The following PTPRD variants were observed in gnomAD, a reference collection of about 807,000 sequenced individuals.
PTPRD encodes protein tyrosine phosphatase receptor type D, also known as receptor-type tyrosine-protein phosphatase delta.
In PTPRD, 34 loss-of-function variants were observed where a neutral mutation model predicts 214.5. That is an observed-to-expected ratio of 0.16 (90% confidence interval 0.12 to 0.21). The LOEUF (loss-of-function observed/expected upper bound fraction) is 0.21. Among genes scored for constraint, PTPRD ranks in the 10% least tolerant of loss-of-function variants. PTPRD has a pLI of 1.00. For synonymous variants in PTPRD, 1,128 were observed against 845.7 expected (o/e 1.33, Z -5.79); for missense variants, 2,545 against 2,398.7 (o/e 1.06, Z -1.27).
At chr9:9,775,755 A>G (rs1004508022) in intron 5 of PTPRD, among the ~76,000 whole-genome samples, 1 of 152,144 alleles carries the variant, frequency 6.6e-6, no homozygotes, top group African/African-American at 2.4e-5. Flanking sequence ...CATCCTGGCT[A>G]ACACGGTGAA....
intron 32 of PTPRD, among the ~76,000 whole-genome samples, chr9:8,463,383 A>G (rs1292674821): frequency 6.6e-6 from 1 of 150,708 alleles, no homozygotes; most frequent in Non-Finnish European, 1.5e-5. Context: ...AAAGAACTAT[A>G]TATCTAAGAA....
chr9:10,370,256 G>A (rs1323488), intron 2 of PTPRD, among the ~76,000 whole-genome samples: 1 of 151,844 alleles, frequency 6.6e-6, no homozygotes, highest in East Asian at 1.9e-4. Context: ...TAAAAATGTA[G>A]TGAATGTAAT....
At chr9:10,575,192 C>G (rs985455584) in intron 2 of PTPRD, among the ~76,000 whole-genome samples, 1 of 151,864 alleles carries the variant, frequency 6.6e-6, no homozygotes, top group Non-Finnish European at 1.5e-5. Flanking sequence ...TAGGTAGGTC[C>G]TTTCAAAGAT....
chr9:9,005,848 G>C (rs1481567060), intron 11 of PTPRD, among the ~76,000 whole-genome samples: 1 of 151,846 alleles, frequency 6.6e-6, no homozygotes, highest in African/African-American at 2.4e-5. Context: ...TCAGTGGCTG[G>C]GCTACTATTC....
At chr9:8,794,077 C>G (rs189371499) in intron 11 of PTPRD, among the ~76,000 whole-genome samples, 1 of 152,304 alleles carries the variant, frequency 6.6e-6, no homozygotes, top group African/African-American at 2.4e-5. Context: ...GTGCAGCAGC[C>G]TGAATCAAAG....
chr9:9,710,010 C>T (rs1001676287), intron 7 of PTPRD, among the ~76,000 whole-genome samples: 8 of 151,740 alleles, frequency 5.3e-5, no homozygotes, highest in African/African-American at 1.9e-4. Flanking sequence ...ATGCTGATTA[C>T]ATCCAATGAG....
intron 30 of PTPRD, among the ~76,000 whole-genome samples, chr9:8,474,529 G>A (rs1202730419): frequency 1.3e-5 from 2 of 152,090 alleles, no homozygotes; most frequent in East Asian, 3.9e-4. Context: ...TAAAGCACAG[G>A]GCAGAATAAT....
chr9:9,805,048 A>T (rs1196716549), intron 5 of PTPRD, among the ~76,000 whole-genome samples: 1 of 152,036 alleles, frequency 6.6e-6, no homozygotes, highest in Non-Finnish European at 1.5e-5. Context: ...CCTCATAGGG[A>T]CTTTGAAGTT....
intron 3 of PTPRD, among the ~76,000 whole-genome samples, chr9:10,089,198 TCA>T (rs1368763655): frequency 6.8e-6 from 1 of 147,300 alleles, no homozygotes; most frequent in East Asian, 2.0e-4. Context: ...AGAATGAGAA[TCA>T]GTCTCAAAAT....
At chr9:10,463,771 G>GA (rs895683174) in intron 2 of PTPRD, among the ~76,000 whole-genome samples, 9 of 151,590 alleles carry the variant, frequency 5.9e-5, no homozygotes, top group African/African-American at 1.9e-4. Context: ...TGTGATCCAA[G>GA]AAAAAAAGAG....
At chr9:9,336,403 C>T (rs1420296018) in intron 9 of PTPRD, among the ~76,000 whole-genome samples, 1 of 152,084 alleles carries the variant, frequency 6.6e-6, no homozygotes, top group East Asian at 1.9e-4. Context: ...GAATCATAAA[C>T]TTTTCAAGGA....
chr9:8,756,814 T>C (rs975213503), intron 11 of PTPRD, among the ~76,000 whole-genome samples: 3 of 152,086 alleles, frequency 2.0e-5, no homozygotes, highest in South Asian at 2.1e-4. Flanking sequence ...TGTTTAGTGA[T>C]AAAGCCAAAG....
chr9:8,321,526 T>TAA (rs796936322), intron 44 of PTPRD, among the ~76,000 whole-genome samples: 3,256 of 115,370 alleles, frequency 0.028, 87 homozygotes, highest in Non-Finnish European at 0.041. Flanking sequence ...TATATATATA[T>TAA]AAAAGGTATA....
At chr9:8,569,719 A>T (rs2090531057) in intron 14 of PTPRD, among the ~76,000 whole-genome samples, 1 of 152,144 alleles carries the variant, frequency 6.6e-6, no homozygotes, top group Non-Finnish European at 1.5e-5. Flanking sequence ...GCTTAAAAAC[A>T]TCCCTAAAAG....
At chr9:8,657,594 G>A (rs985627910) in intron 12 of PTPRD, among the ~76,000 whole-genome samples, 11 of 152,226 alleles carry the variant, frequency 7.2e-5, no homozygotes, top group East Asian at 1.9e-4. Context: ...TAGGTTATCC[G>A]TTCAGTCTGG....
At chr9:9,644,544 T>G (rs1402031016) in intron 7 of PTPRD, among the ~76,000 whole-genome samples, 2 of 152,178 alleles carry the variant, frequency 1.3e-5, no homozygotes, top group Non-Finnish European at 2.9e-5. Flanking sequence ...AAATACAGCT[T>G]TCTTTGAGAA....
intron 2 of PTPRD, among the ~76,000 whole-genome samples, chr9:10,353,076 C>A (rs2097209512): frequency 6.6e-6 from 1 of 151,876 alleles, no homozygotes; most frequent in Non-Finnish European, 1.5e-5. Flanking sequence ...ACCAGAAAAT[C>A]AAATTTTCAA....
At chr9:8,883,645 A>G (rs1431248514) in intron 11 of PTPRD, among the ~76,000 whole-genome samples, 1 of 152,186 alleles carries the variant, frequency 6.6e-6, no homozygotes, top group Non-Finnish European at 1.5e-5. Flanking sequence ...CTGAGGTGAG[A>G]GGTCAGGAGT....
intron 2 of PTPRD, among the ~76,000 whole-genome samples, chr9:10,427,139 T>A (rs1158654153): frequency 6.7e-6 from 1 of 149,170 alleles, no homozygotes; most frequent in African/African-American, 2.6e-5. Flanking sequence ...AGTAGATAAA[T>A]CTATTTTTTA....
Sources: allele counts gnomAD v4.1 joint callset (sites outside exome capture counted in the v4.1 genomes callset), GRCh38; gene constraint gnomAD v4.1.1; transcripts MANE v1.5; gene names NCBI Gene and HGNC (gene_info 2026-07-23, HGNC 2026-07-21).